Variants in WAPL observed in about 807,000 individuals in gnomAD.
WAPL encodes the protein wings apart-like protein homolog.
A neutral mutation model predicts 121.0 loss-of-function variants in WAPL; 5 were observed. The observed-to-expected ratio is 0.04, with a 90% CI of 0.02 to 0.09. The LOEUF is 0.09. Among genes scored for constraint, WAPL ranks in the 10% least tolerant of loss-of-function variants. The pLI is 1.00. For missense variants in WAPL, 999 were observed against 1,410.8 expected (o/e 0.71, Z 4.68); for synonymous variants, 480 against 481.5 (o/e 1.00, Z 0.04).
chr10:86,455,253 A>T (rs781196741), intron 12 of WAPL, among the ~76,000 whole-genome samples: 14 of 152,252 alleles, frequency 9.2e-5, no homozygotes, highest in Non-Finnish European at 1.2e-4. Context: ...AAAAGGGGGA[A>T]ATGTGGGGAA....
intron 4 of WAPL, among the ~76,000 whole-genome samples, chr10:86,496,928 G>A (rs1842161338): frequency 6.6e-6 from 1 of 152,152 alleles, no homozygotes. Flanking sequence ...AGTTTTTGTT[G>A]GATATGATAA....
chr10:86,466,236 A>G (rs1841392089), intron 9 of WAPL, among the ~76,000 whole-genome samples: 1 of 152,158 alleles, frequency 6.6e-6, no homozygotes, highest in South Asian at 2.1e-4. Flanking sequence ...AAGCAGTTAG[A>G]CACCCTGAGG....
chr10:86,508,045 G>T (rs556264830), intron 2 of WAPL, among the ~76,000 whole-genome samples: 2 of 152,204 alleles, frequency 1.3e-5, no homozygotes, highest in Admixed American at 6.5e-5. Context: ...GGGCCTACTA[G>T]AGGAGGAGGA....
At chr10:86,451,787 G>A (rs1840987037) in intron 15 of WAPL, among the ~76,000 whole-genome samples, 180 bp downstream of exon 15, 1 of 152,288 alleles carries the variant, frequency 6.6e-6, no homozygotes, top group African/African-American at 2.4e-5. Context: ...GTGTAAAACA[G>A]TCCCTTTCTA....
Position 86,472,587 on chromosome 10 carries a change from G to C in WAPL, c.1893+25C>G. On this transcript the variant is annotated intron_variant, in intron 6 of 18. Transcript: ENST00000298767. This position sits in a 1 kb window ranked among gnomAD's most constrained non-coding sequence, Gnocchi z 4.2. ...ACATACAAAAATCTATCAACATGCA[G>C]TAAACACTGTATATGGCTGCTTACT... The C allele has an allele frequency of 6.2e-7, 1 of 1,605,428 alleles. No homozygotes were observed. Among genetic ancestry groups the C allele is most frequent in the Admixed American group, 1.7e-5 (1 of 57,686 alleles).
At position 86,436,915 on chromosome 10, in the gene WAPL, T is replaced by C. The variant is rs1849337580; in HGVS notation, c.*628A>G. On this transcript the variant is annotated 3_prime_UTR_variant, in exon 19 of 19. Transcript: ENST00000298767. ...AAATAGTTCAATAACCCAAACCTAATCAAGAATAAAAAAATATACTATTAA... is the reference window on the plus strand; with the variant it reads ...AAATAGTTCAATAACCCAAACCTAACCAAGAATAAAAAAATATACTATTAA... The C allele has an allele frequency of 6.6e-6, 1 of 152,494 alleles. No homozygotes were observed. Among genetic ancestry groups the C allele is most frequent in the African/African-American group, 2.4e-5 (1 of 41,402 alleles). 9.4% of individuals were successfully genotyped at this position (152,494 alleles called of 1,614,324 possible). A position where few individuals can be genotyped will look rare whatever the true frequency, so the allele number is the denominator to read the frequency against.
chr10:86,520,337 GACC>G (rs1842650573), intron 1 of WAPL, among the ~76,000 whole-genome samples: 2 of 152,280 alleles, frequency 1.3e-5, no homozygotes, highest in South Asian at 4.1e-4. Context: ...TGTGCCAAAA[GACC>G]ACGTCTTTTA....
At chr10:86,471,151 T>A in intron 7 of WAPL, 48 bp from the exon 8 acceptor site, 1 of 1,530,458 alleles carries the variant, frequency 6.5e-7, no homozygotes, top group Non-Finnish European at 9.0e-7. Context: ...AGCTAGTACA[T>A]TAGTTTTGAG....
At chr10:86,471,460 A>G (rs1397391094) in intron 7 of WAPL, among the ~76,000 whole-genome samples, 1 of 152,196 alleles carries the variant, frequency 6.6e-6, no homozygotes, top group Non-Finnish European at 1.5e-5. Context: ...TGACTGAAAA[A>G]TTTAATCAAA....
chr10:86,458,178 A>C (rs1331555159), intron 12 of WAPL, among the ~76,000 whole-genome samples: 1 of 152,230 alleles, frequency 6.6e-6, no homozygotes, highest in Non-Finnish European at 1.5e-5. Context: ...TATTTTTTCA[A>C]AGCAGCGATT....
intron 4 of WAPL, among the ~76,000 whole-genome samples, chr10:86,486,560 G>A (rs1841933776): frequency 6.6e-6 from 1 of 152,128 alleles, no homozygotes; most frequent in African/African-American, 2.4e-5. Context: ...TCATATTGAA[G>A]GACAGATGGG....
intron 16 of WAPL, 112 bp from the exon 17 acceptor site, chr10:86,443,475 G>C: frequency 5.1e-6 from 4 of 790,592 alleles, no homozygotes; most frequent in Non-Finnish European, 8.1e-6. Flanking sequence ...ATCAACGAAT[G>C]ATGCTAGGAC....
At chr10:86,482,575 C>T (rs1357820872) in intron 4 of WAPL, among the ~76,000 whole-genome samples, 1 of 152,136 alleles carries the variant, frequency 6.6e-6, no homozygotes, top group Admixed American at 6.5e-5. Context: ...TACAGCTGAC[C>T]AGGTACAAGA....
At chr10:86,501,791 A>C (rs1196307349) in intron 2 of WAPL, among the ~76,000 whole-genome samples, 2 of 152,048 alleles carry the variant, frequency 1.3e-5, no homozygotes, top group East Asian at 1.9e-4. Context: ...TGATCCTCCC[A>C]CCTCAGCCTC....
At chr10:86,450,170 G>T (rs967199270) in intron 15 of WAPL, among the ~76,000 whole-genome samples, 4 of 152,350 alleles carry the variant, frequency 2.6e-5, no homozygotes, top group Middle Eastern at 3.4e-3. Flanking sequence ...GTAACTTCCT[G>T]TGAGTCTATA....
chr10:86,503,198 G>A (rs1029707667), intron 2 of WAPL, among the ~76,000 whole-genome samples: 7 of 152,188 alleles, frequency 4.6e-5, no homozygotes, highest in South Asian at 2.1e-4. Flanking sequence ...GGCTGGGCGC[G>A]GGGGCTCACA....
In WAPL at chr10:86,460,510, A is replaced by C; in HGVS notation, c.2483-14T>G. On this transcript the variant is annotated splice_polypyrimidine_tract_variant and intron_variant, in intron 10 of 18. Coordinates refer to ENST00000298767, the MANE Select transcript of WAPL (RefSeq NM_015045.5). ...CACATTCTTTTACTAGGTGAAAAGA[A>C]ACAAACGTAAGTTAGTATTTATCAT... 6.2e-7 allele frequency: 1 copy of C among 1,602,236 alleles called. No homozygotes were observed. The highest frequency in any genetic ancestry group is 8.5e-7 in the Non-Finnish European group (1 of 1,171,274).
chr10:86,438,421 T>G (rs1849380614), intron 17 of WAPL, among the ~76,000 whole-genome samples: 1 of 152,184 alleles, frequency 6.6e-6, no homozygotes, highest in Admixed American at 6.5e-5. Context: ...GCCTGGCTAA[T>G]TTTTGTATTT....
intron 4 of WAPL, among the ~76,000 whole-genome samples, chr10:86,478,418 C>T (rs1320901367): frequency 2.6e-5 from 4 of 151,550 alleles, no homozygotes; most frequent in Admixed American, 6.6e-5. Flanking sequence ...GGTGACAGAG[C>T]GAGATCCTGT....
Sources: allele counts gnomAD v4.1 joint callset (sites outside exome capture counted in the v4.1 genomes callset), GRCh38; gene constraint gnomAD v4.1.1; non-coding constraint Gnocchi (gnomAD v3.1); transcripts MANE v1.5; gene names NCBI Gene and HGNC (gene_info 2026-07-23, HGNC 2026-07-21).